The following ZNF626 variants were observed in gnomAD, a reference collection of about 807,000 sequenced individuals.
ZNF626 encodes zinc finger protein 626.
Under a neutral mutation model 11.7 loss-of-function variants are expected in ZNF626, and 4 were observed. The observed-to-expected ratio is 0.34, with a 90% CI of 0.17 to 0.78. ZNF626 has a LOEUF of 0.78. ZNF626 is among the 30% of genes least tolerant of loss of function. The probability of loss-of-function intolerance (pLI) is 0.57; values close to 1 mark genes in which losing one functional copy is unlikely to be tolerated. For synonymous variants in ZNF626, 179 were observed against 198.6 expected (o/e 0.90, Z 0.83); for missense variants, 588 against 587.1 (o/e 1.00, Z -0.01).
At chr19:20,642,716 TATC>T (rs1443528180) in intron 3 of ZNF626, among the ~76,000 whole-genome samples, 4 of 151,792 alleles carry the variant, frequency 2.6e-5, no homozygotes, top group African/African-American at 7.3e-5. Context: ...CACATGGAAG[TATC>T]ATTACGAAAA....
Position 20,625,482 on chromosome 19 carries a change from TC to T in ZNF626, c.394del (p.Glu132AsnfsTer6), listed in dbSNP as rs1969817422. ...GGTAGTTGTCAAACATTGGTTAAGT[TC>T]ATTATAACCTTCTTTGTGCACCTTA... ...ECKVHKEGYN[E>X]LNQCLTTTPR... is the part of the protein sequence containing the mutation. On this transcript the variant is annotated frameshift_variant, in exon 4 of 4. Transcript: ENST00000601440. LOFTEE classifies it low-confidence loss of function (END_TRUNC). 6.2e-7 allele frequency: 1 copy of T among 1,613,960 alleles called. No individual in the cohort carries two copies. The highest frequency in any genetic ancestry group is 8.5e-7 in the Non-Finnish European group (1 of 1,179,998).
At chr19:20,625,847 A>AG (rs1393005680) in intron 3 of ZNF626, among the ~76,000 whole-genome samples, 197 bp from the exon 4 acceptor site, 1 of 8,468 alleles carries the variant, frequency 1.2e-4, no homozygotes, top group Non-Finnish European at 8.3e-4. Context: ...AAAAACTTAT[A>AG]ATAAGTTGTG....
Position 20,624,724 on chromosome 19 carries a change from T to G in ZNF626, c.1153A>C (p.Thr385Pro), listed in dbSNP as rs1202637195. Residue 385 changes from threonine (T) to proline (P), a missense_variant, in exon 4 of 4, where the codon ACT (threonine) becomes CCT (proline). Transcript: ENST00000601440. ...CCAGTATGAATTATCTTATGCGTAG[T>G]AAGGTCTGAAGACCGCTTGAAGGCT... Reference protein sequence around the residue: ...GKAFKRSSDLTTHKIIHTGEK... With the variant: ...GKAFKRSSDLPTHKIIHTGEK... The G allele has an allele frequency of 6.2e-7, 1 of 1,609,910 alleles. No individual in the cohort carries two copies. Among genetic ancestry groups the G allele is most frequent in the Middle Eastern group, 1.7e-4 (1 of 6,052 alleles).
intron 3 of ZNF626, among the ~76,000 whole-genome samples, chr19:20,638,825 T>TAATCATTG (rs782811784): frequency 1.6e-4 from 25 of 152,034 alleles, no homozygotes; most frequent in Non-Finnish European, 3.4e-4. Context: ...CATAGCAACA[T>TAATCATTG]AATCATTGTA....
chr19:20,630,013 C>A (rs1178793971), intron 3 of ZNF626, among the ~76,000 whole-genome samples: 3 of 152,042 alleles, frequency 2.0e-5, no homozygotes, highest in African/African-American at 7.2e-5. Flanking sequence ...TGTGAAAGGC[C>A]TTTTCTGTAT....
rs1555768963 is a variant in ZNF626 at position 20,623,337 on chromosome 19, T to A, written c.*953A>T. The A allele has an allele frequency of 6.6e-6, 1 of 152,310 alleles. No individual in the cohort carries two copies. Among genetic ancestry groups the A allele is most frequent in the Non-Finnish European group, 1.5e-5 (1 of 68,024 alleles). 9.4% of individuals were successfully genotyped at this position (152,310 alleles called of 1,614,324 possible). A position where few individuals can be genotyped will look rare whatever the true frequency, so the allele number is the denominator to read the frequency against. ...CAGTATGAATTATCTTACTATCAAA[T>A]GTGGCAACCATATAAAGGCTGTTTC... On this transcript the variant is annotated 3_prime_UTR_variant, in exon 4 of 4. Transcript: ENST00000601440.
In ZNF626 at chr19:20,624,503, A is replaced by G. The variant is rs368550801; in HGVS notation, c.1374T>C (p.Cys458=). The G allele has an allele frequency of 2.4e-6, 3 of 1,264,592 alleles. 1 individual carries two copies. The African/African-American group carries it at 5.5e-5, about 23-fold the overall frequency. The allele number at this position is 1,264,592 out of a possible 1,614,324, so 78.3% of individuals were successfully genotyped here. ...TGEKFYKCEE[C]GKAFKCSSNL... Reference sequence around the variant, plus strand: ...TAGAGGAGCACTTAAAAGCTTTGCCACATTCTTCACATTTGTAGAATTTCT... The same window carrying G: ...TAGAGGAGCACTTAAAAGCTTTGCCGCATTCTTCACATTTGTAGAATTTCT... Residue 458 remains cysteine (C), a synonymous_variant, in exon 4 of 4, where the codon TGT becomes TGC. Coordinates refer to ENST00000601440, the MANE Select transcript of ZNF626 (RefSeq NM_001076675.3).
intron 3 of ZNF626, among the ~76,000 whole-genome samples, chr19:20,627,856 G>A (rs1216795885): frequency 6.6e-6 from 1 of 152,102 alleles, no homozygotes; most frequent in Non-Finnish European, 1.5e-5. Flanking sequence ...GTATACTTGT[G>A]CCATGTTGGT....
intron 3 of ZNF626, among the ~76,000 whole-genome samples, chr19:20,626,002 C>G (rs568386157): frequency 3.3e-5 from 5 of 152,156 alleles, no homozygotes; most frequent in Non-Finnish European, 7.3e-5. Flanking sequence ...GTGACACACG[C>G]CTGTAGTCCC....
rs781888526 is a variant in ZNF626 at position 20,625,238 on chromosome 19, A to G, written c.639T>C (p.Ser213=). Residue 213 remains serine (S), a synonymous_variant, in exon 4 of 4, where the codon TCT becomes TCC. Transcript: ENST00000601440. The stretch of plus-strand genomic sequence containing the variant: ...TTTTCTTATGTCTAGTAAGGCTACA[A>G]GAGTGGTTAAAGGCTTTGCCACATT... ...CEECGKAFNH[S]CSLTRHKKIH... is the part of the protein sequence containing the mutation. The G allele has an allele frequency of 2.5e-6, 4 of 1,607,620 alleles. No individual in the cohort carries two copies. In the African/African-American group the frequency reaches 4.1e-5, roughly 17 times the overall value.
chr19:20,645,410 G>A, intron 3 of ZNF626: 1 of 1,611,444 alleles, frequency 6.2e-7, no homozygotes. Flanking sequence ...ATGTCATGAA[G>A]AGGACTTTGG....
rs537689143 is a variant in ZNF626 at position 20,643,306 on chromosome 19, T to C, written c.226+2378A>G. On this transcript the variant is annotated intron_variant, in intron 3 of 3. Transcript: ENST00000601440. ...ACATTGTTAAACACAGAAAAAAATA[T>C]ATATATATTTTGGAGAATAGGGTTA... Among the ~76,000 whole-genome samples, 412 of 151,976 alleles carry C rather than the reference T, an allele frequency of 2.7e-3. 3 individuals are homozygous for C. Among genetic ancestry groups the C allele is most frequent in the African/African-American group, 9.7e-3 (402 of 41,458 alleles).
At chr19:20,628,925 T>G (rs1342207268) in intron 3 of ZNF626, among the ~76,000 whole-genome samples, 4 of 152,210 alleles carry the variant, frequency 2.6e-5, no homozygotes, top group South Asian at 2.1e-4. Context: ...GGTCTAACAT[T>G]TAAGTCTTTA....
intron 3 of ZNF626, among the ~76,000 whole-genome samples, chr19:20,640,139 G>A (rs988381494): frequency 2.0e-5 from 3 of 150,202 alleles, no homozygotes; most frequent in Non-Finnish European, 4.4e-5. Context: ...AATAAAGTTG[G>A]ATTATTTCCT....
At chr19:20,651,960 G>C (rs1320251332) in intron 1 of ZNF626, among the ~76,000 whole-genome samples, 1 of 152,056 alleles carries the variant, frequency 6.6e-6, no homozygotes, top group Non-Finnish European at 1.5e-5. Context: ...TCTGTCATCA[G>C]ATTCTATTTC....
Position 20,623,907 on chromosome 19 carries a change from C to A in ZNF626, c.*383G>T. On this transcript the variant is annotated 3_prime_UTR_variant, in exon 4 of 4. Coordinates refer to ENST00000601440, the MANE Select transcript of ZNF626 (RefSeq NM_001076675.3). ...TATGTGTAATAAAGGTTGAGAAGTT[C>A]CTTAAAAAATCTGTCACATTCTTTA... 1 of 346,786 alleles carries A rather than the reference C, an allele frequency of 2.9e-6. No homozygotes were observed. The highest frequency in any genetic ancestry group is 2.6e-5 in the South Asian group (1 of 37,876). 21.5% of individuals were successfully genotyped at this position (346,786 alleles called of 1,614,324 possible).
chr19:20,659,685 G>C (rs1970243243), intron 1 of ZNF626, among the ~76,000 whole-genome samples: 1 of 151,570 alleles, frequency 6.6e-6, no homozygotes, highest in African/African-American at 2.4e-5. Context: ...TAGTTAGCTG[G>C]TACTTCTTCC....
Position 20,645,641 on chromosome 19 carries a change from C to T in ZNF626, c.226+43G>A, listed in dbSNP as rs371071457. ...GGCTTTCTCTTTGACCTTGGGACCC[C>T]TTATCTGTGTCATCTGTTGTATTCA... On this transcript the variant is annotated intron_variant, in intron 3 of 3. Coordinates refer to ENST00000601440, the MANE Select transcript of ZNF626 (RefSeq NM_001076675.3). 6.3e-6 allele frequency: 10 copies of T among 1,592,674 alleles called. No individual in the cohort carries two copies. The African/African-American group carries it at 9.5e-5, about 15-fold the overall frequency.
intron 3 of ZNF626, among the ~76,000 whole-genome samples, chr19:20,634,219 A>G (rs1032879006): frequency 6.6e-6 from 1 of 152,222 alleles, no homozygotes; most frequent in African/African-American, 2.4e-5. Flanking sequence ...TTATAGTAGG[A>G]TATTTCAATA....
Sources: gnomAD v4.1 joint callset for allele counts (sites outside exome capture counted in the v4.1 genomes callset) on GRCh38, gnomAD v4.1.1 for gene constraint, MANE v1.5 for transcripts, NCBI Gene and HGNC (gene_info 2026-07-23, HGNC 2026-07-21) for gene names.